The following ACSL3 variants were observed in gnomAD, a reference collection of about 807,000 sequenced individuals.
The protein encoded by ACSL3 is fatty acid CoA ligase Acsl3.
A neutral mutation model predicts 84.7 loss-of-function variants in ACSL3; 34 were observed. The observed-to-expected ratio is 0.40, with a 90% confidence interval of 0.31 to 0.53. ACSL3 has a LOEUF of 0.53. ACSL3 is among the 20% of genes least tolerant of loss of function. The pLI, the probability that ACSL3 is intolerant of heterozygous loss-of-function variation, is 0.48. For missense variants in ACSL3, 680 were observed against 873.1 expected (o/e 0.78, Z 2.79); for synonymous variants, 315 against 299.4 (o/e 1.05, Z -0.54).
At chr2:222,934,763 GT>G in intron 16 of ACSL3, 76 bp downstream of exon 16, 1 of 1,475,724 alleles carries the variant, frequency 6.8e-7, no homozygotes, top group East Asian at 2.4e-5. Flanking sequence ...CTGTTTTAAG[GT>G]TTAGGGTTCA....
rs1697381689 is a variant in ACSL3, at chr2:222,943,499, A to G, written c.*1845A>G. 1 of 166,984 alleles carries G rather than the reference A, an allele frequency of 6.0e-6. No homozygotes were observed. The highest frequency in any genetic ancestry group is 2.4e-5 in the African/African-American group (1 of 41,926). 10.3% of individuals were successfully genotyped at this position (166,984 alleles called of 1,614,324 possible). On this transcript the variant is annotated 3_prime_UTR_variant, in exon 17 of 17. Coordinates refer to ENST00000357430, the MANE Select transcript of ACSL3 (RefSeq NM_004457.5). ...TAGGAAAAAAGTGTGAATGCTTCAA[A>G]GGAGAGATACTGATAATTGTGACTT...
chr2:222,863,183 G>A (rs1695056054), intron 1 of ACSL3, among the ~76,000 whole-genome samples: 1 of 152,236 alleles, frequency 6.6e-6, no homozygotes, highest in Non-Finnish European at 1.5e-5. Context: ...AAACGGATAG[G>A]TGGTTGCAAG....
chr2:222,866,820 ATTTTCTTTTTTTTCT>A (rs1396083496), intron 1 of ACSL3, among the ~76,000 whole-genome samples: 12 of 109,040 alleles, frequency 1.1e-4, no homozygotes, highest in Admixed American at 2.3e-4. Flanking sequence ...TTTAACTAGA[ATTTTCTTTTTTTTCT>A]TTTTCTTTTT....
chr2:222,871,874 T>C (rs1306459443), intron 1 of ACSL3, among the ~76,000 whole-genome samples: 2 of 152,184 alleles, frequency 1.3e-5, no homozygotes, highest in African/African-American at 2.4e-5. Flanking sequence ...CTTGTTGCTT[T>C]GGGACCACAG....
intron 8 of ACSL3, among the ~76,000 whole-genome samples, chr2:222,922,475 G>A (rs776608522): frequency 1.2e-4 from 18 of 152,202 alleles, no homozygotes; most frequent in Admixed American, 6.5e-5. Context: ...CTGCAAGTGT[G>A]CGCCTCCTTG....
intron 1 of ACSL3, among the ~76,000 whole-genome samples, chr2:222,863,601 A>T (rs1007675226): frequency 6.6e-6 from 1 of 152,034 alleles, no homozygotes; most frequent in Admixed American, 6.5e-5. Flanking sequence ...TGAATATTGG[A>T]TTTAGATTTT....
At chr2:222,913,442 GT>G (rs1351601442) in intron 4 of ACSL3, among the ~76,000 whole-genome samples, 1 of 152,074 alleles carries the variant, frequency 6.6e-6, no homozygotes, top group East Asian at 1.9e-4. Context: ...TCTTCTCTTA[GT>G]TTCCCCTTCC....
chr2:222,924,586 T>A lies in ACSL3; in HGVS notation c.1283T>A (p.Leu428Gln). 1 of 1,603,306 alleles carries A rather than the reference T, an allele frequency of 6.2e-7. No homozygotes were observed. The highest frequency in any genetic ancestry group is 8.5e-7 in the Non-Finnish European group (1 of 1,176,280). Residue 428 changes from leucine (L) to glutamine (Q), a missense_variant, in exon 11 of 17, where the codon CTG becomes CAG. This residue lies in a region of ACSL3 where 347 missense variants were observed against 525.7 expected (regional missense o/e 0.66). Coordinates refer to ENST00000357430, the MANE Select transcript of ACSL3 (RefSeq NM_004457.5). ...ATTTCAAAAGGACGTAATACTCCAC[T>A]GTGCGACAGGTAAGTAAAGACTCTC... Reference protein sequence around the residue: ...EQISKGRNTPLCDSFVFRKVR... With the variant: ...EQISKGRNTPQCDSFVFRKVR...
rs1053226488 is a variant in ACSL3 at position 222,938,473 on chromosome 2, A to G, written c.2006-3024A>G. 3.3e-5 allele frequency among the ~76,000 whole-genome samples: 5 copies of G among 152,156 alleles called. No individual in the cohort carries two copies. The South Asian group carries it at 1.0e-3, about 32-fold the overall frequency. ...TTTTTTTTCTTTCAGTATTTTGAAT[A>G]CTACTATTTTCTAACCTGCCAGTTT... On this transcript the variant is annotated intron_variant, in intron 16 of 16. Coordinates refer to ENST00000357430, the MANE Select transcript of ACSL3 (RefSeq NM_004457.5).
chr2:222,867,875 T>A (rs1233660342), intron 1 of ACSL3, among the ~76,000 whole-genome samples: 1 of 152,130 alleles, frequency 6.6e-6, no homozygotes, highest in Non-Finnish European at 1.5e-5. Context: ...TTATTTGAGC[T>A]AAGGTACCAT....
chr2:222,916,277 T>C, intron 4 of ACSL3, 42 bp from the exon 5 acceptor site: 2 of 1,287,408 alleles, frequency 1.6e-6, no homozygotes, highest in Non-Finnish European at 2.1e-6. Context: ...CTGTAAATTA[T>C]TATTTTGATT....
In ACSL3 at chr2:222,893,099, C is replaced by G. The variant is rs1695882454; in HGVS notation, c.-148+5211C>G. Among the ~76,000 whole-genome samples the G allele has an allele frequency of 2.6e-5, 4 of 152,202 alleles. No individual in the cohort carries two copies. The South Asian group carries it at 6.2e-4, about 24-fold the overall frequency. On this transcript the variant is annotated intron_variant, in intron 2 of 16. Coordinates refer to ENST00000357430, the MANE Select transcript of ACSL3 (RefSeq NM_004457.5). ...AGTGTGGTAGGCTGAAAGAAAAATA[C>G]AGAGGAGGAAATCAGATTGAGTGGT...
chr2:222,921,187 ATTGAG>A (rs1460878743), intron 7 of ACSL3, 88 bp from the exon 8 acceptor site: 17 of 1,385,418 alleles, frequency 1.2e-5, no homozygotes, highest in African/African-American at 5.8e-5. Flanking sequence ...ACTCAATTTG[ATTGAG>A]TTATTTATTT....
chr2:222,906,843 G>T (rs1005978644), intron 3 of ACSL3, among the ~76,000 whole-genome samples: 6 of 152,182 alleles, frequency 3.9e-5, no homozygotes, highest in African/African-American at 9.7e-5. Context: ...TCGATCTCCT[G>T]ATTTTGTGTT....
At chr2:222,940,800 C>T (rs567337888) in intron 16 of ACSL3, among the ~76,000 whole-genome samples, 12 of 152,194 alleles carry the variant, frequency 7.9e-5, no homozygotes, top group African/African-American at 2.9e-4. Context: ...CCCATGATGG[C>T]AAAACTGCCA....
Position 222,940,857 on chromosome 2 carries a change from C to T in ACSL3, c.2006-640C>T, listed in dbSNP as rs764197134. Among the ~76,000 whole-genome samples, 46 of 151,794 alleles carry T rather than the reference C, an allele frequency of 3.0e-4. 1 individual carries two copies. Among genetic ancestry groups the T allele is most frequent in the Non-Finnish European group, 2.6e-4 (18 of 67,982 alleles). On this transcript the variant is annotated intron_variant, in intron 16 of 16. Coordinates refer to ENST00000357430, the MANE Select transcript of ACSL3 (RefSeq NM_004457.5). ...AACATATCCCTGTCATTAAGAGATGCGTGACTATATTGGATACCCTATTAG... is the reference window on the plus strand; with the variant it reads ...AACATATCCCTGTCATTAAGAGATGTGTGACTATATTGGATACCCTATTAG...
At chr2:222,916,967 G>A (rs1216114664) in intron 5 of ACSL3, among the ~76,000 whole-genome samples, 1 of 152,120 alleles carries the variant, frequency 6.6e-6, no homozygotes, top group Non-Finnish European at 1.5e-5. Context: ...GATAGTTCTG[G>A]AAGCATAAGT....
chr2:222,872,590 C>T (rs903686318), intron 1 of ACSL3, among the ~76,000 whole-genome samples: 4 of 152,092 alleles, frequency 2.6e-5, no homozygotes, highest in Admixed American at 6.6e-5. Flanking sequence ...AAGACAAATA[C>T]GGCCCTTCCC....
chr2:222,941,203 T>C (rs2106147103), intron 16 of ACSL3, among the ~76,000 whole-genome samples: 1 of 152,310 alleles, frequency 6.6e-6, no homozygotes, highest in South Asian at 2.1e-4. Context: ...TTACTGGGAT[T>C]ACAGGCATGA....
Sources: gnomAD v4.1 joint callset for allele counts (sites outside exome capture counted in the v4.1 genomes callset) on GRCh38, gnomAD v4.1.1 for gene constraint, gnomAD v4.1.1 regional missense constraint, MANE v1.5 for transcripts, NCBI Gene and HGNC (gene_info 2026-07-23, HGNC 2026-07-21) for gene names.